CHMP4B: variants seen among roughly 807,000 people sequenced by gnomAD.
The protein encoded by CHMP4B is SNF7 homolog associated with Alix 1.
In CHMP4B, 1 loss-of-function variant was observed where a neutral mutation model predicts 25.1. The observed-to-expected ratio is 0.04, with a 90% CI of 0.01 to 0.19. CHMP4B has a LOEUF of 0.19. Ranked by LOEUF, CHMP4B falls within the 10% of genes least tolerant of loss-of-function variation. The pLI, the probability that CHMP4B is intolerant of heterozygous loss-of-function variation, is 1.00. For missense variants in CHMP4B, 151 were observed against 289.7 expected (o/e 0.52, Z 3.48); for synonymous variants, 101 against 115.6 (o/e 0.87, Z 0.81).
chr20:33,826,619 G>GT (rs1979101610), intron 1 of CHMP4B, among the ~76,000 whole-genome samples: 1 of 152,150 alleles, frequency 6.6e-6, no homozygotes, highest in African/African-American at 2.4e-5. Context: ...GGAATGAGGT[G>GT]TATCTGGGGA....
At chr20:33,842,003 T>C (rs1190802138) in intron 1 of CHMP4B, among the ~76,000 whole-genome samples, 1 of 152,186 alleles carries the variant, frequency 6.6e-6, no homozygotes, top group Non-Finnish European at 1.5e-5. Context: ...CACTGTGCAC[T>C]GCGGGGTCCT....
rs968175161 is a variant in CHMP4B, at chr20:33,854,277, A to T, written c.*717A>T. On this transcript the variant is annotated 3_prime_UTR_variant, in exon 5 of 5. Coordinates refer to ENST00000217402, the MANE Select transcript of CHMP4B (RefSeq NM_176812.5). ...TCCTTGTTGCTGTTTGTGATAACTG[A>T]TAGATAACTCATTGGAAACGTGCAT... 1 of 153,234 alleles carries T rather than the reference A, an allele frequency of 6.5e-6. No homozygotes were observed. The highest frequency in any genetic ancestry group is 1.5e-5 in the Non-Finnish European group (1 of 68,502). 9.5% of individuals were successfully genotyped at this position (153,234 alleles called of 1,614,324 possible). A position where few individuals can be genotyped will look rare whatever the true frequency, so the allele number is the denominator to read the frequency against.
At chr20:33,827,356 C>T (rs1285123689) in intron 1 of CHMP4B, among the ~76,000 whole-genome samples, 2 of 152,362 alleles carry the variant, frequency 1.3e-5, no homozygotes, top group East Asian at 3.9e-4. Flanking sequence ...TTACAGTAAC[C>T]TTACCTTCAG....
At chr20:33,849,725 T>C (rs1015733623) in intron 2 of CHMP4B, among the ~76,000 whole-genome samples, 1 of 152,214 alleles carries the variant, frequency 6.6e-6, no homozygotes, top group African/African-American at 2.4e-5. Flanking sequence ...TGCTGTCCAA[T>C]GGGTGGGAAA....
chr20:33,811,733 A>G, intron 1 of CHMP4B, 75 bp downstream of exon 1: 2 of 1,469,650 alleles, frequency 1.4e-6, no homozygotes, highest in Non-Finnish European at 1.9e-6. Flanking sequence ...CACCTTCATC[A>G]GACTCGCCTC....
chr20:33,846,215 C>T (rs749720095), intron 1 of CHMP4B, among the ~76,000 whole-genome samples: 1 of 152,204 alleles, frequency 6.6e-6, no homozygotes. Flanking sequence ...CTGCCAGTTA[C>T]CTGGGCTGAG....
At chr20:33,832,406 A>G (rs545550293) in intron 1 of CHMP4B, among the ~76,000 whole-genome samples, 2 of 152,248 alleles carry the variant, frequency 1.3e-5, no homozygotes, top group East Asian at 3.9e-4. Flanking sequence ...GAGGAGCTCA[A>G]TCAGTGCCTT....
chr20:33,815,583 G>A (rs146348374), intron 1 of CHMP4B, among the ~76,000 whole-genome samples: 2 of 152,264 alleles, frequency 1.3e-5, no homozygotes, highest in South Asian at 2.1e-4. Flanking sequence ...TTGGAAAACC[G>A]CTCAGCATCC....
chr20:33,828,341 C>A (rs141535236), intron 1 of CHMP4B, among the ~76,000 whole-genome samples: 2 of 152,328 alleles, frequency 1.3e-5, no homozygotes, highest in East Asian at 3.9e-4. Flanking sequence ...TCTACTGTAG[C>A]CTCACCTGTT....
intron 1 of CHMP4B, among the ~76,000 whole-genome samples, chr20:33,819,362 G>A (rs1174408535): frequency 1.3e-5 from 2 of 152,168 alleles, no homozygotes; most frequent in African/African-American, 4.8e-5. Flanking sequence ...TGATACTTCC[G>A]GTATCACTGA....
intron 1 of CHMP4B, among the ~76,000 whole-genome samples, chr20:33,818,600 A>T (rs980473158): frequency 6.6e-6 from 1 of 152,194 alleles, no homozygotes; most frequent in Non-Finnish European, 1.5e-5. Flanking sequence ...TAATAGCTCC[A>T]TAGGGAAGCA....
intron 2 of CHMP4B, among the ~76,000 whole-genome samples, chr20:33,849,568 A>G (rs1979788147): frequency 6.6e-6 from 1 of 152,232 alleles, no homozygotes. Flanking sequence ...ACTGCACTCC[A>G]GCCTGGGCGA....
intron 1 of CHMP4B, among the ~76,000 whole-genome samples, chr20:33,814,823 T>C (rs933431451): frequency 1.8e-4 from 26 of 143,216 alleles, no homozygotes; most frequent in Non-Finnish European, 1.2e-4. Flanking sequence ...ATTCAAAACA[T>C]TTTTTTTTGT....
chr20:33,850,985 C>T lies in CHMP4B; in HGVS notation c.402C>T (p.Asp134=), dbSNP rs1423809575. ...DIDKVDELMQ[D]IADQQELAEE... is the part of the protein sequence containing the mutation. ...ATAAAGTTGATGAGTTAATGCAGGA[C>T]ATTGCTGACCAGCAAGAACTTGCAG... The change falls in exon 3 of 5, where the codon GAC becomes GAT. Residue 134 remains aspartate, a synonymous_variant. Coordinates refer to ENST00000217402, the MANE Select transcript of CHMP4B (RefSeq NM_176812.5). 1.2e-6 allele frequency: 2 copies of T among 1,613,892 alleles called. No individual in the cohort carries two copies. Among genetic ancestry groups the T allele is most frequent in the Admixed American group, 1.7e-5 (1 of 60,028 alleles).
intron 2 of CHMP4B, among the ~76,000 whole-genome samples, chr20:33,850,175 C>T: frequency 6.6e-6 from 1 of 152,218 alleles, no homozygotes; most frequent in Non-Finnish European, 1.5e-5. Context: ...GCAACAGAGA[C>T]TGTCTGGCCA....
At chr20:33,852,276 T>A in intron 4 of CHMP4B, 73 bp downstream of exon 4, 3 of 1,573,552 alleles carry the variant, frequency 1.9e-6, no homozygotes, top group Non-Finnish European at 2.6e-6. Context: ...TGGCTTTGGT[T>A]TGTGGTCGGT....
At chr20:33,847,748 G>A (rs1979726365) in intron 1 of CHMP4B, among the ~76,000 whole-genome samples, 1 of 152,166 alleles carries the variant, frequency 6.6e-6, no homozygotes, top group South Asian at 2.1e-4. Flanking sequence ...GGAGGATGCT[G>A]TAGTAGCCAT....
intron 1 of CHMP4B, among the ~76,000 whole-genome samples, chr20:33,829,952 G>A (rs542058960): frequency 1.4e-4 from 22 of 152,312 alleles, no homozygotes; most frequent in African/African-American, 4.1e-4. Flanking sequence ...GAGTTACTGG[G>A]TCTGGGAAAT....
intron 1 of CHMP4B, among the ~76,000 whole-genome samples, chr20:33,836,024 C>T (rs182740944): frequency 1.2e-3 from 184 of 152,302 alleles, no homozygotes; most frequent in African/African-American, 4.1e-3. Flanking sequence ...AATATCAACA[C>T]GAGACTTGGC....
Sources: allele counts gnomAD v4.1 joint callset (sites outside exome capture counted in the v4.1 genomes callset), GRCh38; gene constraint gnomAD v4.1.1; transcripts MANE v1.5; gene names NCBI Gene and HGNC (gene_info 2026-07-23, HGNC 2026-07-21).